The following DTX1 variants were observed in gnomAD, a reference collection of about 807,000 sequenced individuals.
The protein encoded by DTX1 is deltex E3 ubiquitin ligase 1, also known as E3 ubiquitin-protein ligase DTX1.
Under a neutral mutation model 57.8 loss-of-function variants are expected in DTX1, and 26 were observed. The ratio of observed to expected loss-of-function variants is 0.45; its 90% CI spans 0.33 to 0.62. DTX1 has a LOEUF of 0.62. Among genes scored for constraint, DTX1 ranks in the 20% least tolerant of loss-of-function variants. The pLI is 0.02. For synonymous variants in DTX1, 398 were observed against 394.1 expected (o/e 1.01, Z -0.12); for missense variants, 704 against 895.3 (o/e 0.79, Z 2.73).
chr12:113,063,701 C>T (rs1238099890), intron 2 of DTX1, among the ~76,000 whole-genome samples: 1 of 152,242 alleles, frequency 6.6e-6, no homozygotes, highest in Non-Finnish European at 1.5e-5. Flanking sequence ...GTGGCTGGTT[C>T]TGGGATCTTC....
At chr12:113,057,128 G>C (rs2136419526) in intron 1 of DTX1, among the ~76,000 whole-genome samples, 184 bp downstream of exon 1, 2 of 151,914 alleles carry the variant, frequency 1.3e-5, no homozygotes, top group East Asian at 2.0e-4. Context: ...CGCGCCTGCA[G>C]CGCCGCGCAT....
intron 9 of DTX1, among the ~76,000 whole-genome samples, chr12:113,095,805 C>G (rs1358277169): frequency 6.6e-6 from 1 of 152,240 alleles, no homozygotes; most frequent in Non-Finnish European, 1.5e-5. Flanking sequence ...CATGGGAAAT[C>G]TCTAGGCTTT....
At chr12:113,094,237 A>C in intron 6 of DTX1, 138 bp downstream of exon 6, 1 of 710,936 alleles carries the variant, frequency 1.4e-6, no homozygotes, top group South Asian at 2.0e-5. Flanking sequence ...TTTTTGATGA[A>C]TAGAAATACT....
rs2044641357 is a variant in DTX1, at chr12:113,058,108, G to A, written c.-85G>A. 1 of 1,467,788 alleles carries A rather than the reference G, an allele frequency of 6.8e-7. No homozygotes were observed. The highest frequency in any genetic ancestry group is 1.4e-5 in the African/African-American group (1 of 70,600). The allele number at this position is 1,467,788 out of a possible 1,614,324, so 90.9% of individuals were successfully genotyped here. On this transcript the variant is annotated 5_prime_UTR_variant, in exon 2 of 10. Coordinates refer to ENST00000548759, the MANE Select transcript of DTX1 (RefSeq NM_004416.3). ...ACGGTCCTTGCTGTCCCCCTGGGGA[G>A]AGAGGAAGTTGCCGCCTGCTGCCAG...
intron 6 of DTX1, 22 bp downstream of exon 6, chr12:113,094,121 T>TGGGGGGGGGGGGGG: frequency 2.3e-6 from 1 of 443,358 alleles, no homozygotes; most frequent in Non-Finnish European, 4.2e-6. Flanking sequence ...ATGGGGGGGC[T>TGGGGGGGGGGGGGG]GGGGGAGGGC....
At chr12:113,082,300 C>G (rs2136061810) in intron 3 of DTX1, among the ~76,000 whole-genome samples, 1 of 152,302 alleles carries the variant, frequency 6.6e-6, no homozygotes, top group East Asian at 1.9e-4. Flanking sequence ...TCAAAGTCCC[C>G]AACGCTCCAT....
chr12:113,060,910 G>C (rs1292964606), intron 2 of DTX1, among the ~76,000 whole-genome samples: 1 of 152,014 alleles, frequency 6.6e-6, no homozygotes, highest in Non-Finnish European at 1.5e-5. Context: ...AGCTGGGTTG[G>C]GTATGGGCGG....
At chr12:113,095,913 A>C (rs1468486993) in intron 9 of DTX1, among the ~76,000 whole-genome samples, 1 of 151,912 alleles carries the variant, frequency 6.6e-6, no homozygotes, top group East Asian at 1.9e-4. Flanking sequence ...TCACCCCAGA[A>C]AAAAACAGGC....
In DTX1 at chr12:113,057,709, CCGGG is replaced by C. The variant is rs1403501762; in HGVS notation, c.-481_-478del. ...AGGGAGGCGAGAAGCCCCACTGAAG[CCGGG>C]CGCAGGGTCTGGGACGCAGTTGGGA... On this transcript the variant is annotated 5_prime_UTR_variant, in exon 2 of 10. Coordinates refer to ENST00000548759, the MANE Select transcript of DTX1 (RefSeq NM_004416.3). 6.4e-6 allele frequency: 1 copy of C among 157,080 alleles called. No individual in the cohort carries two copies. The highest frequency in any genetic ancestry group is 1.4e-5 in the Non-Finnish European group (1 of 70,994). The allele number at this position is 157,080 out of a possible 1,614,324, so 9.7% of individuals were successfully genotyped here.
rs1442783076 is a variant in DTX1 at position 113,094,015 on chromosome 12, C to T, written c.1166-23C>T. ...GGGACAGACTCTGGGTACCCTCAAA[C>T]CCACCCCGCTGTGTCCCTGCAGGTA... is the stretch of plus-strand genomic sequence containing the variant. On this transcript the variant is annotated intron_variant, in intron 5 of 9. Transcript: ENST00000548759. 5 of 1,567,050 alleles carry T rather than the reference C, an allele frequency of 3.2e-6. No individual in the cohort carries two copies. In the Admixed American group the frequency reaches 5.8e-5, roughly 18 times the overall value.
At position 113,077,646 on chromosome 12, in the gene DTX1, G is replaced by A. The variant is rs768619446; in HGVS notation, c.482G>A (p.Arg161His). The A allele has an allele frequency of 2.5e-6, 4 of 1,599,172 alleles. No homozygotes were observed. The highest frequency in any genetic ancestry group is 3.4e-5 in the Admixed American group (2 of 58,272). The change falls in exon 3 of 10, where the codon CGC (arginine) becomes CAC (histidine). Residue 161 changes from arginine (R) to histidine (H), a missense_variant. Physicochemically the swap from Arg to His is conservative, Grantham distance 29. Coordinates refer to ENST00000548759, the MANE Select transcript of DTX1 (RefSeq NM_004416.3). The surrounding 1 kb of genome is among the most constrained non-coding windows in gnomAD (Gnocchi z 7.8). ...TTCAACAGCATGTCGCAGATGAACC[G>A]CCAGACGCGCCGGCGCCGCCGCCTG... ...IYFNSMSQMN[R>H]QTRRRRRLRR...
rs760439219 is a variant in DTX1, at chr12:113,077,645, C to T, written c.481C>T (p.Arg161Cys). 48 of 1,599,232 alleles carry T rather than the reference C, an allele frequency of 3.0e-5. No individual in the cohort carries two copies. The highest frequency in any genetic ancestry group is 3.9e-5 in the Non-Finnish European group (46 of 1,174,956). Reference protein sequence around the residue: ...IYFNSMSQMNRQTRRRRRLRR... With the variant: ...IYFNSMSQMNCQTRRRRRLRR... ...CTTCAACAGCATGTCGCAGATGAAC[C>T]GCCAGACGCGCCGGCGCCGCCGCCT... is the stretch of plus-strand genomic sequence containing the variant. Residue 161 changes from arginine (R) to cysteine (C), a missense_variant, in exon 3 of 10, where the codon CGC becomes TGC. Arg to Cys is a radical substitution (Grantham distance 180). Around this residue, in one of 3 missense-constraint regions of DTX1, gnomAD observed 237 missense variants for 328.6 expected, o/e 0.72. Transcript: ENST00000548759. The surrounding 1 kb of genome is among the most constrained non-coding windows in gnomAD (Gnocchi z 7.8).
rs2243396 is a variant in DTX1 at position 113,095,319 on chromosome 12, C to T, written c.1549-6C>T. Reference sequence around the variant, plus strand: ...GTCTAAATCCCTGTACTGTCCCTCTCTGCAGGGCCCTGAGCACCCCAACCC... The same window carrying T: ...GTCTAAATCCCTGTACTGTCCCTCTTTGCAGGGCCCTGAGCACCCCAACCC... On this transcript the variant is annotated splice_region_variant and splice_polypyrimidine_tract_variant and intron_variant, in intron 8 of 9. Coordinates refer to ENST00000548759, the MANE Select transcript of DTX1 (RefSeq NM_004416.3). 0.78 allele frequency: 1,266,497 copies of T among 1,614,018 alleles called. 497,675 individuals carry two copies. Among genetic ancestry groups the T allele is most frequent in the Admixed American group, 0.85 (51,032 of 60,028 alleles).
intron 3 of DTX1, among the ~76,000 whole-genome samples, chr12:113,085,216 T>C (rs1183760642): frequency 6.6e-6 from 1 of 152,094 alleles, no homozygotes; most frequent in Non-Finnish European, 1.5e-5. Context: ...ACCCGGCTAA[T>C]TTTTTATATT....
intron 2 of DTX1, among the ~76,000 whole-genome samples, chr12:113,063,920 C>T (rs1198505631): frequency 1.3e-5 from 2 of 152,228 alleles, no homozygotes; most frequent in Admixed American, 1.3e-4. Flanking sequence ...GTGACTTCCC[C>T]AAGGTCACAC....
chr12:113,096,916 T>TCCGAGGCTGCAGCCAAGGCTTGAGGC lies in DTX1; in HGVS notation c.1843_*5dup. ...GGCTGAGCTCACAGCCCAGGGCGTA[T>TCCGAGGCTGCAGCCAAGGCTTGAGGC]CCGAGGCTGCAGCCAAGGCTTGAGG... On this transcript the variant is annotated stop_gained and frameshift_variant, in exon 10 of 10. Transcript: ENST00000548759. LOFTEE classifies it high-confidence loss of function. 1 of 1,612,060 alleles carries TCCGAGGCTGCAGCCAAGGCTTGAGGC rather than the reference T, an allele frequency of 6.2e-7. No homozygotes were observed. The highest frequency in any genetic ancestry group is 8.5e-7 in the Non-Finnish European group (1 of 1,179,934).
chr12:113,087,599 G>A (rs544756094), intron 3 of DTX1, among the ~76,000 whole-genome samples: 33 of 152,186 alleles, frequency 2.2e-4, no homozygotes, highest in Non-Finnish European at 3.8e-4. Flanking sequence ...AGGGTGGGGG[G>A]TCCCTAAAGC....
chr12:113,094,182 G>T, intron 6 of DTX1, 83 bp downstream of exon 6: 1 of 1,268,344 alleles, frequency 7.9e-7, no homozygotes, highest in Non-Finnish European at 1.1e-6. Context: ...GGTTCTGGGT[G>T]ATACAGAGCT....
In DTX1 at chr12:113,057,467, G is replaced by C. The variant is rs947242734; in HGVS notation, c.-726G>C. The C allele has an allele frequency of 6.6e-6, 1 of 152,502 alleles. No individual in the cohort carries two copies. Among genetic ancestry groups the C allele is most frequent in the African/African-American group, 2.4e-5 (1 of 41,430 alleles). The allele number at this position is 152,502 out of a possible 1,614,324, so 9.4% of individuals were successfully genotyped here. A position where few individuals can be genotyped will look rare whatever the true frequency, so the allele number is the denominator to read the frequency against. On this transcript the variant is annotated 5_prime_UTR_variant, in exon 2 of 10. Transcript: ENST00000548759. ...CTGGCAGGTCGCGAGCACGAGTGGG[G>C]TGGGGCGTGCCCACGGGCCCCCGCC...
Sources: gnomAD v4.1 joint callset for allele counts (sites outside exome capture counted in the v4.1 genomes callset) on GRCh38, gnomAD v4.1.1 for gene constraint, gnomAD v4.1.1 regional missense constraint, Gnocchi (gnomAD v3.1) non-coding constraint, MANE v1.5 for transcripts, NCBI Gene and HGNC (gene_info 2026-07-23, HGNC 2026-07-21) for gene names.